Variants in NLRP4 observed in about 807,000 individuals in gnomAD.
NLRP4 encodes NLR family pyrin domain containing 4.
NLRP4 carries 44 observed loss-of-function variants against 84.7 expected under a neutral mutation model. The observed-to-expected ratio is 0.52, with a 90% CI of 0.41 to 0.67. The LOEUF is 0.67. NLRP4 is among the 30% of genes least tolerant of loss of function. The pLI, the probability that NLRP4 is intolerant of heterozygous loss-of-function variation, is 0.00. For synonymous variants in NLRP4, 544 were observed against 476.4 expected (o/e 1.14, Z -1.85); for missense variants, 1,260 against 1,219.4 (o/e 1.03, Z -0.50).
At chr19:55,877,333 T>G (rs547198582) in intron 8 of NLRP4, among the ~76,000 whole-genome samples, 167 bp downstream of exon 8, 3 of 152,306 alleles carry the variant, frequency 2.0e-5, no homozygotes, top group Non-Finnish European at 4.4e-5. Flanking sequence ...AGAAGTTAGA[T>G]TGCTGCTGGC....
At chr19:55,839,966 T>C (rs1227873163) in intron 1 of NLRP4, among the ~76,000 whole-genome samples, 2 of 152,214 alleles carry the variant, frequency 1.3e-5, no homozygotes, top group African/African-American at 2.4e-5. Flanking sequence ...CATAGATTAC[T>C]TAGAAGTATG....
At chr19:55,842,482 CT>C (rs1983647846) in intron 1 of NLRP4, among the ~76,000 whole-genome samples, 1 of 151,704 alleles carries the variant, frequency 6.6e-6, no homozygotes, top group African/African-American at 2.4e-5. Flanking sequence ...ATTTTTACTT[CT>C]GTCATCTTCC....
At position 55,858,782 on chromosome 19, in the gene NLRP4, C is replaced by A. The variant is rs1266849315; in HGVS notation, c.1389C>A (p.Phe463Leu). Residue 463 changes from phenylalanine to leucine, a missense_variant, in exon 3 of 10, where the codon TTC becomes TTA. Physicochemically the swap from Phe to Leu is conservative, Grantham distance 22. Coordinates refer to ENST00000301295, the MANE Select transcript of NLRP4 (RefSeq NM_134444.5). This position sits in a 1 kb window ranked among gnomAD's most constrained non-coding sequence, Gnocchi z 4.2. ...TCCAGGAGTTCTGTGCCGCCTTGTT[C>A]TATTTGCTCAAGAGCCACCTTGATC... ...VCIQEFCAAL[F>L]YLLKSHLDHP... The A allele has an allele frequency of 6.2e-7, 1 of 1,614,190 alleles. No homozygotes were observed. The highest frequency in any genetic ancestry group is 1.7e-5 in the Admixed American group (1 of 60,016).
At chr19:55,853,901 CTCTCTT>C (rs1265498183) in intron 2 of NLRP4, among the ~76,000 whole-genome samples, 1 of 124,458 alleles carries the variant, frequency 8.0e-6, no homozygotes, top group African/African-American at 4.3e-5. Context: ...CTCTCTCTCT[CTCTCTT>C]TCTCTTTCTT....
intron 1 of NLRP4, among the ~76,000 whole-genome samples, chr19:55,840,966 C>T (rs73622413): frequency 0.01 from 1,528 of 152,174 alleles, 26 homozygotes; most frequent in African/African-American, 0.033. Flanking sequence ...TCATACCTTA[C>T]GTATGCATGA....
chr19:55,853,933 C>CTT (rs758283102), intron 2 of NLRP4, among the ~76,000 whole-genome samples: 4 of 151,064 alleles, frequency 2.6e-5, no homozygotes, highest in African/African-American at 4.9e-5. Context: ...TTCTCTTTCT[C>CTT]TCTCTCTTTC....
Position 55,858,240 on chromosome 19 carries a change from T to C in NLRP4, c.847T>C (p.Cys283Arg), listed in dbSNP as rs748858883. 2 of 1,614,084 alleles carry C rather than the reference T, an allele frequency of 1.2e-6. No individual in the cohort carries two copies. Among genetic ancestry groups the C allele is most frequent in the African/African-American group, 1.3e-5 (1 of 74,930 alleles). ...CCTGCTCATCGCTATCAAACCCGTG[T>C]GCCCGAAGGAGCTCCGGGATCAGGT... ...ASLLIAIKPV[C>R]PKELRDQVTI... is the part of the protein sequence containing the mutation. Residue 283 changes from cysteine to arginine, a missense_variant, in exon 3 of 10, where the codon TGC becomes CGC. Transcript: ENST00000301295. The surrounding 1 kb of genome is among the most constrained non-coding windows in gnomAD (Gnocchi z 4.2).
chr19:55,865,575 C>G (rs780179860), intron 5 of NLRP4, among the ~76,000 whole-genome samples: 4 of 152,176 alleles, frequency 2.6e-5, no homozygotes, highest in Non-Finnish European at 4.4e-5. Context: ...AATTTACATT[C>G]CTACAAAAAT....
intron 1 of NLRP4, among the ~76,000 whole-genome samples, chr19:55,840,991 C>G (rs73622417): frequency 2.0e-5 from 3 of 152,040 alleles, no homozygotes; most frequent in Non-Finnish European, 2.9e-5. Flanking sequence ...CTATTTTGTT[C>G]AGATTTCCCA....
At chr19:55,881,360 C>T (rs779250689) in intron 9 of NLRP4, 110 bp from the exon 10 acceptor site, 11 of 622,758 alleles carry the variant, frequency 1.8e-5, no homozygotes, top group Non-Finnish European at 2.9e-5. Flanking sequence ...TTGGAGGTAA[C>T]ACCAGGGTTT....
intron 3 of NLRP4, among the ~76,000 whole-genome samples, chr19:55,860,373 A>G (rs1004148287): frequency 5.9e-5 from 9 of 152,220 alleles, no homozygotes; most frequent in African/African-American, 2.2e-4. Context: ...CCAGGGGGCT[A>G]AGACCAGCCT....
At chr19:55,857,600 G>A (rs1428286681) in intron 2 of NLRP4, 74 bp from the exon 3 acceptor site, 4 of 1,417,748 alleles carry the variant, frequency 2.8e-6, no homozygotes, top group African/African-American at 1.4e-5. Flanking sequence ...GATACATCCT[G>A]AGAAGAAAAA....
At position 55,857,982 on chromosome 19, in the gene NLRP4, C is replaced by G; in HGVS notation, c.589C>G (p.Pro197Ala). 6.2e-7 allele frequency: 1 copy of G among 1,614,086 alleles called. No individual in the cohort carries two copies. The highest frequency in any genetic ancestry group is 8.5e-7 in the Non-Finnish European group (1 of 1,179,950). ...CTGCTGCAGAGAACTGAGGGAGTTG[C>G]CGCCAACGAGTTTGGCTGACTTGAT... The part of the protein sequence containing the change: ...YFCCRELREL[P>A]PTSLADLISR... Residue 197 changes from proline (P) to alanine (A), a missense_variant, in exon 3 of 10, where the codon CCG becomes GCG. Pro to Ala is a conservative substitution (Grantham distance 27). Transcript: ENST00000301295.
At position 55,878,828 on chromosome 19, in the gene NLRP4, A is replaced by G; in HGVS notation, c.2731A>G (p.Lys911Glu). The stretch of plus-strand genomic sequence containing the variant: ...ATGTGGGTTAACGAGCACCTGCTGT[A>G]AGGATCTCGCGTCTGTTCTCACCTG... ...EECGLTSTCCKDLASVLTCSK... is the reference protein window; with the variant it reads ...EECGLTSTCCEDLASVLTCSK... The change falls in exon 9 of 10, where the codon AAG becomes GAG. Residue 911 changes from lysine to glutamate, a missense_variant. Transcript: ENST00000301295. 2 of 1,613,394 alleles carry G rather than the reference A, an allele frequency of 1.2e-6. No homozygotes were observed. Among genetic ancestry groups the G allele is most frequent in the Non-Finnish European group, 8.5e-7 (1 of 1,179,584 alleles).
At chr19:55,850,572 T>A (rs377165211) in intron 1 of NLRP4, among the ~76,000 whole-genome samples, 9 of 64,846 alleles carry the variant, frequency 1.4e-4, no homozygotes, top group African/African-American at 4.3e-4. Flanking sequence ...GTAATGTCCG[T>A]GGCTGCGGTG....
Position 55,858,152 on chromosome 19 carries a change from G to A in NLRP4, c.759G>A (p.Glu253=). ...CGGATCTGTGTGGTGACTTGATGGA[G>A]AAACGGCCGGTGCAGGTGCTTCTGA... ...PDSDLCGDLM[E]KRPVQVLLSS... Residue 253 remains glutamate, a synonymous_variant, in exon 3 of 10, where the codon GAG becomes GAA. Transcript: ENST00000301295. The surrounding 1 kb of genome is among the most constrained non-coding windows in gnomAD (Gnocchi z 4.2). 1 of 1,614,176 alleles carries A rather than the reference G, an allele frequency of 6.2e-7. No homozygotes were observed. Among genetic ancestry groups the A allele is most frequent in the Non-Finnish European group, 8.5e-7 (1 of 1,180,030 alleles).
rs1332337107 is a variant in NLRP4 at position 55,861,841 on chromosome 19, C to A, written c.2019-151C>A. ...CACTGCCAGCTGTCCCTTGTGGGGG[C>A]AAAATCTCTCAAGTTGAGAACTACT... On this transcript the variant is annotated intron_variant, in intron 4 of 9. Transcript: ENST00000301295. 4.4e-6 allele frequency: 3 copies of A among 676,622 alleles called. No homozygotes were observed. In the African/African-American group the frequency reaches 5.4e-5, roughly 12 times the overall value. The allele number at this position is 676,622 out of a possible 1,614,324, so 41.9% of individuals were successfully genotyped here.
chr19:55,842,276 T>C (rs1343905724), intron 1 of NLRP4, among the ~76,000 whole-genome samples: 1 of 152,260 alleles, frequency 6.6e-6, no homozygotes. Flanking sequence ...GCAATTATTC[T>C]GTGTAATTAC....
At chr19:55,870,783 C>G (rs1270885027) in intron 6 of NLRP4, 44 bp from the exon 7 acceptor site, 1 of 1,462,636 alleles carries the variant, frequency 6.8e-7, no homozygotes, top group Non-Finnish European at 9.6e-7. Context: ...CCCTGAGACA[C>G]CACGTCCCTC....
Sources: gnomAD v4.1 joint callset for allele counts (sites outside exome capture counted in the v4.1 genomes callset) on GRCh38, gnomAD v4.1.1 for gene constraint, Gnocchi (gnomAD v3.1) non-coding constraint, MANE v1.5 for transcripts, NCBI Gene and HGNC (gene_info 2026-07-23, HGNC 2026-07-21) for gene names.